Variants in DNAH9 observed in about 807,000 individuals in gnomAD.
DNAH9 encodes the protein dynein axonemal heavy chain 9, also known as DNAH9 variant protein.
Under a neutral mutation model 471.6 loss-of-function variants are expected in DNAH9, and 345 were observed. The ratio of observed to expected loss-of-function variants is 0.73; its 90% CI spans 0.67 to 0.80. The LOEUF (loss-of-function observed/expected upper bound fraction) is 0.80, where lower values mean the gene tolerates loss of function less well. DNAH9 is among the 30% of genes least tolerant of loss of function. The pLI, the probability that DNAH9 is intolerant of heterozygous loss-of-function variation, is 0.00. For missense variants in DNAH9, 5,407 were observed against 5,609.2 expected (o/e 0.96, Z 1.15); for synonymous variants, 2,093 against 2,123.6 (o/e 0.99, Z 0.40).
Position 11,627,905 on chromosome 17 carries a change from C to G in DNAH9, c.1351-1512C>G, listed in dbSNP as rs112964047. On this transcript the variant is annotated intron_variant, in intron 6 of 68. Coordinates refer to ENST00000262442, the MANE Select transcript of DNAH9 (RefSeq NM_001372.4). The stretch of plus-strand genomic sequence containing the variant: ...TCACTGCTGCTGGAGTTGGTGTGTC[C>G]CAGCAGGAAAAAGGAGCCAGGCAGC... Among the ~76,000 whole-genome samples the G allele has an allele frequency of 1.5e-3, 232 of 152,238 alleles. 4 individuals carry two copies. In the South Asian group the frequency reaches 0.019, roughly 13 times the overall value.
At chr17:11,771,909 C>T (rs1438832052) in intron 38 of DNAH9, among the ~76,000 whole-genome samples, 1 of 152,092 alleles carries the variant, frequency 6.6e-6, no homozygotes, top group African/African-American at 2.4e-5. Context: ...TTGTACAGCC[C>T]TGTGAATAAG....
chr17:11,969,525 T>A lies in DNAH9; in HGVS notation c.13459T>A (p.Ter4487LysextTer9), dbSNP rs777937862. 6.2e-7 allele frequency: 1 copy of A among 1,609,896 alleles called. No homozygotes were observed. Among genetic ancestry groups the A allele is most frequent in the Non-Finnish European group, 8.5e-7 (1 of 1,178,970 alleles). ...TGGAGTAGCCTTGCTTCTCCAGATT[T>A]AGCATCCTGCAGAGCCACCGAGAAA... Reference protein sequence around the residue: ...LAGVALLLQI* With the variant: ...LAGVALLLQIK Residue 4487 changes from the stop codon to lysine (K), a stop_lost, in exon 69 of 69, where the codon TAG becomes AAG. Transcript: ENST00000262442.
intron 67 of DNAH9, among the ~76,000 whole-genome samples, chr17:11,954,787 AAGAGAGAG>A (rs746187380): frequency 6.8e-6 from 1 of 147,150 alleles, no homozygotes; most frequent in African/African-American, 2.5e-5. Flanking sequence ...AAAAAAAAAA[AAGAGAGAG>A]AAAGAAATTT....
At chr17:11,621,662 T>A (rs1385140399) in intron 6 of DNAH9, among the ~76,000 whole-genome samples, 1 of 152,088 alleles carries the variant, frequency 6.6e-6, no homozygotes, top group Non-Finnish European at 1.5e-5. Flanking sequence ...ACGACTGAAA[T>A]GCGATTTCCC....
intron 48 of DNAH9, among the ~76,000 whole-genome samples, chr17:11,825,144 C>T (rs1376674762): frequency 6.6e-6 from 1 of 152,192 alleles, no homozygotes; most frequent in Non-Finnish European, 1.5e-5. Context: ...GTAAGCTACA[C>T]AGATCCCAGT....
chr17:11,682,671 A>G (rs1032079398), intron 19 of DNAH9, among the ~76,000 whole-genome samples: 1 of 152,106 alleles, frequency 6.6e-6, no homozygotes, highest in Non-Finnish European at 1.5e-5. Context: ...TCACCTGGAG[A>G]GATTTTAAAA....
chr17:11,875,234 A>G (rs376151498), intron 53 of DNAH9, 50 bp downstream of exon 53: 198 of 1,484,524 alleles, frequency 1.3e-4, no homozygotes, highest in Non-Finnish European at 1.7e-4. Context: ...GTGCAGGAAA[A>G]TGTATAGATC....
chr17:11,930,352 T>C (rs1230601686), intron 63 of DNAH9, among the ~76,000 whole-genome samples: 1 of 152,152 alleles, frequency 6.6e-6, no homozygotes, highest in African/African-American at 2.4e-5. Context: ...AGTTTACTGT[T>C]ACCTAATATT....
At chr17:11,860,367 T>A (rs8075294) in intron 50 of DNAH9, among the ~76,000 whole-genome samples, 137,942 of 152,224 alleles carry the variant, frequency 0.91, 62,991 homozygotes, top group Non-Finnish European at 0.95. Flanking sequence ...TTATTCTGCT[T>A]TGGCTCATTC....
chr17:11,635,143 CTT>C (rs1045222186), intron 8 of DNAH9, among the ~76,000 whole-genome samples: 16 of 151,884 alleles, frequency 1.1e-4, no homozygotes, highest in African/African-American at 2.2e-4. Flanking sequence ...GTCACACACT[CTT>C]TTTCATTTTA....
In DNAH9 at chr17:11,652,892, A is replaced by G; in HGVS notation, c.2485A>G (p.Lys829Glu). 1 of 1,614,144 alleles carries G rather than the reference A, an allele frequency of 6.2e-7. No individual in the cohort carries two copies. Among genetic ancestry groups the G allele is most frequent in the South Asian group, 1.1e-5 (1 of 91,084 alleles). The change falls in exon 14 of 69, where the codon AAA (lysine) becomes GAA (glutamate). Residue 829 changes from lysine to glutamate, a missense_variant. Physicochemically the swap from Lys to Glu is moderately conservative, Grantham distance 56. Coordinates refer to ENST00000262442, the MANE Select transcript of DNAH9 (RefSeq NM_001372.4). ...KTWVTPIFKT[K>E]DGKRESLLSL... ...ATGGGTGACTCCAATATTTAAGACA[A>G]AAGATGGAAAAAGGGAATCCCTTCT...
At chr17:11,730,043 A>G (rs192211329) in intron 28 of DNAH9, among the ~76,000 whole-genome samples, 15 of 152,300 alleles carry the variant, frequency 9.8e-5, no homozygotes, top group Admixed American at 2.6e-4. Context: ...CTCTTGTCCA[A>G]ACTGTTCCTT....
At chr17:11,847,717 C>A (rs534837033) in intron 49 of DNAH9, among the ~76,000 whole-genome samples, 4 of 152,330 alleles carry the variant, frequency 2.6e-5, no homozygotes, top group African/African-American at 9.6e-5. Context: ...CTCCCCTCCT[C>A]TTATTGCCCC....
At chr17:11,946,524 C>T (rs532441753) in intron 67 of DNAH9, among the ~76,000 whole-genome samples, 5 of 151,276 alleles carry the variant, frequency 3.3e-5, no homozygotes, top group African/African-American at 1.2e-4. Flanking sequence ...AATAGCCAGG[C>T]GTGGTGGCAG....
At chr17:11,680,182 T>C (rs1168747745) in intron 18 of DNAH9, among the ~76,000 whole-genome samples, 1 of 151,550 alleles carries the variant, frequency 6.6e-6, no homozygotes, top group Non-Finnish European at 1.5e-5. Context: ...ATGCTGGAGA[T>C]AGATGGGAGA....
chr17:11,829,142 G>A (rs908923146), intron 48 of DNAH9, among the ~76,000 whole-genome samples: 1 of 152,162 alleles, frequency 6.6e-6, no homozygotes, highest in Admixed American at 6.5e-5. Context: ...AGTAAAAATG[G>A]TATCTATGGT....
intron 41 of DNAH9, among the ~76,000 whole-genome samples, chr17:11,787,824 T>C (rs1968924940): frequency 6.6e-6 from 1 of 152,190 alleles, no homozygotes; most frequent in Non-Finnish European, 1.5e-5. Context: ...TATCAGGGGT[T>C]TCCGCTTTTG....
chr17:11,776,066 A>C (rs1034444811), intron 38 of DNAH9, among the ~76,000 whole-genome samples: 1 of 152,034 alleles, frequency 6.6e-6, no homozygotes, highest in African/African-American at 2.4e-5. Context: ...CACACACTTT[A>C]ATGTTTACAG....
chr17:11,620,405 C>T (rs917734402), intron 6 of DNAH9, among the ~76,000 whole-genome samples: 1 of 148,524 alleles, frequency 6.7e-6, no homozygotes, highest in African/African-American at 2.5e-5. Flanking sequence ...CCCAGCTACT[C>T]GGGAGGCCGA....
Sources: gnomAD v4.1 joint callset for allele counts (sites outside exome capture counted in the v4.1 genomes callset) on GRCh38, gnomAD v4.1.1 for gene constraint, MANE v1.5 for transcripts, NCBI Gene and HGNC (gene_info 2026-07-23, HGNC 2026-07-21) for gene names.